CELF5: variants seen among roughly 807,000 people sequenced by gnomAD.
CELF5 encodes CUGBP Elav-like family member 5, also known as CUG-BP and ETR-3 like factor 5.
A neutral mutation model predicts 54.9 loss-of-function variants in CELF5; 6 were observed. The observed-to-expected ratio is 0.11, with a 90% confidence interval of 0.06 to 0.22. CELF5 has a LOEUF of 0.22. Ranked by LOEUF, CELF5 falls within the 10% of genes least tolerant of loss-of-function variation. The pLI, the probability that CELF5 is intolerant of heterozygous loss-of-function variation, is 1.00. For synonymous variants in CELF5, 271 were observed against 290.9 expected, an observed-to-expected ratio of 0.93 and a Z score of 0.70; for missense variants, 401 against 678.6, an observed-to-expected ratio of 0.59 and a Z score of 4.54.
chr19:3,273,847 T>C (rs1233787543), intron 2 of CELF5, 25 bp from the exon 3 acceptor site: 1 of 1,547,052 alleles, frequency 6.5e-7, no homozygotes, highest in Non-Finnish European at 8.9e-7. Flanking sequence ...TAAGCTTGAC[T>C]TTTCCCTTCC....
chr19:3,292,746 G>A (rs1436636252), intron 11 of CELF5, among the ~76,000 whole-genome samples: 1 of 152,106 alleles, frequency 6.6e-6, no homozygotes, highest in Non-Finnish European at 1.5e-5. Flanking sequence ...AACAGAGACA[G>A]TTAGCTGGGC....
chr19:3,230,078 T>TC (rs72158961), intron 1 of CELF5, among the ~76,000 whole-genome samples: 11 of 15,854 alleles, frequency 6.9e-4, no homozygotes, highest in East Asian at 2.6e-3. Flanking sequence ...AGGACCACAC[T>TC]CATTCATTCA....
At chr19:3,271,283 AG>A (rs2079960032) in intron 2 of CELF5, among the ~76,000 whole-genome samples, 1 of 143,858 alleles carries the variant, frequency 7.0e-6, no homozygotes, top group Non-Finnish European at 1.5e-5. Flanking sequence ...CTTCCAGCCC[AG>A]AAGCTGGTCC....
At chr19:3,273,565 T>C (rs900174498) in intron 2 of CELF5, among the ~76,000 whole-genome samples, 3 of 152,136 alleles carry the variant, frequency 2.0e-5, no homozygotes, top group Admixed American at 2.0e-4. Flanking sequence ...TTCTTGATGG[T>C]AGGAACTGCA....
chr19:3,277,366 G>C lies in CELF5; in HGVS notation c.524-665G>C, dbSNP rs1210393696. Among the ~76,000 whole-genome samples, 3 of 152,062 alleles carry C rather than the reference G, an allele frequency of 2.0e-5. No homozygotes were observed. In the East Asian group the frequency reaches 5.8e-4, roughly 29 times the overall value. On this transcript the variant is annotated intron_variant, in intron 4 of 12. Coordinates refer to ENST00000292672, the MANE Select transcript of CELF5 (RefSeq NM_021938.4). ...CAGGCGCCTGTAATCCCAACTACTCGGGAGGTTGAGGAAGAGCATTGCTTG... is the reference window on the plus strand; with the variant it reads ...CAGGCGCCTGTAATCCCAACTACTCCGGAGGTTGAGGAAGAGCATTGCTTG...
rs1301627047 is a variant in CELF5, at chr19:3,253,470, T to C, written c.342+2403T>C. ...TCTCACCACGTGGGCTTCTCCACAG[T>C]GCTGCTTGAGCTTCCTTACAACATG... On this transcript the variant is annotated intron_variant, in intron 2 of 12. Transcript: ENST00000292672. Among the ~76,000 whole-genome samples, 4 of 152,178 alleles carry C rather than the reference T, an allele frequency of 2.6e-5. No homozygotes were observed. In the East Asian group the frequency reaches 5.8e-4, roughly 22 times the overall value.
In CELF5 at chr19:3,277,257, CGA is replaced by C. The variant is rs558655859; in HGVS notation, c.524-771_524-770del. Among the ~76,000 whole-genome samples the C allele has an allele frequency of 3.2e-3, 489 of 151,824 alleles. 2 individuals carry two copies. Among genetic ancestry groups the C allele is most frequent in the Non-Finnish European group, 5.3e-3 (363 of 67,926 alleles). ...TTGGGAGGCTGAGGCAGGTGGATCACGAGATCAGGAGTTCAAGACCAGCCTGG... is the reference window on the plus strand; with the variant it reads ...TTGGGAGGCTGAGGCAGGTGGATCACGATCAGGAGTTCAAGACCAGCCTGG... On this transcript the variant is annotated intron_variant, in intron 4 of 12. Transcript: ENST00000292672.
chr19:3,246,779 C>T (rs1407647160), intron 1 of CELF5, among the ~76,000 whole-genome samples: 1 of 152,208 alleles, frequency 6.6e-6, no homozygotes, highest in African/African-American at 2.4e-5. Flanking sequence ...AAATAGCAAA[C>T]ATCCCAATGC....
intron 4 of CELF5, 47 bp downstream of exon 4, chr19:3,276,031 C>T (rs751917398): frequency 1.1e-5 from 8 of 760,752 alleles, no homozygotes; most frequent in Non-Finnish European, 1.4e-5. Flanking sequence ...GCCGGGCTAG[C>T]TCTGGGGGCG....
chr19:3,257,028 C>T (rs1379399134), intron 2 of CELF5, among the ~76,000 whole-genome samples: 1 of 152,120 alleles, frequency 6.6e-6, no homozygotes, highest in African/African-American at 2.4e-5. Flanking sequence ...AGGCCCGTCC[C>T]GAACTCCTGG....
In CELF5 at chr19:3,228,074, G is replaced by A. The variant is rs312061; in HGVS notation, c.259+3076G>A. ...GATGCGTCGAGGTGGTCTTCCGAAA[G>A]AGGGCAGGCCCTGGGGCGCTGGGTT... On this transcript the variant is annotated intron_variant, in intron 1 of 12. Coordinates refer to ENST00000292672, the MANE Select transcript of CELF5 (RefSeq NM_021938.4). The surrounding 1 kb of genome is among the most constrained non-coding windows in gnomAD (Gnocchi z 6.0). Among the ~76,000 whole-genome samples, 2,095 of 152,160 alleles carry A rather than the reference G, an allele frequency of 0.014. 36 individuals are homozygous for A. Among genetic ancestry groups the A allele is most frequent in the African/African-American group, 0.044 (1,836 of 41,480 alleles).
rs986276514 is a variant in CELF5 at position 3,281,769 on chromosome 19, C to G, written c.751-357C>G. Reference sequence around the variant, plus strand: ...ACTAAACCCTCATCCTAGATGGAGCCTTGATCTCAGTCTGAGCCTCACTTC... The same window carrying G: ...ACTAAACCCTCATCCTAGATGGAGCGTTGATCTCAGTCTGAGCCTCACTTC... On this transcript the variant is annotated intron_variant, in intron 6 of 12. Transcript: ENST00000292672. This position sits in a 1 kb window ranked among gnomAD's most constrained non-coding sequence, Gnocchi z 6.5. Among the ~76,000 whole-genome samples, 2 of 152,070 alleles carry G rather than the reference C, an allele frequency of 1.3e-5. No homozygotes were observed. The highest frequency in any genetic ancestry group is 4.8e-5 in the African/African-American group (2 of 41,404).
chr19:3,274,719 G>A (rs541241768), intron 3 of CELF5, among the ~76,000 whole-genome samples: 1 of 152,230 alleles, frequency 6.6e-6, no homozygotes, highest in Admixed American at 6.5e-5. Context: ...CTGAAGGAGG[G>A]CAGCCAGATT....
intron 1 of CELF5, 139 bp downstream of exon 1, chr19:3,225,137 C>T (rs1186836491): frequency 3.9e-6 from 2 of 506,644 alleles, no homozygotes; most frequent in Non-Finnish European, 6.6e-6. Context: ...TCGGTTCTTA[C>T]CCCCTCCCTC....
At chr19:3,291,782 G>A (rs2145320274) in intron 11 of CELF5, among the ~76,000 whole-genome samples, 1 of 151,530 alleles carries the variant, frequency 6.6e-6, no homozygotes, top group Non-Finnish European at 1.5e-5. Flanking sequence ...ATGGAGAGGG[G>A]ACAGGGGAGG....
chr19:3,230,446 A>C (rs966991677), intron 1 of CELF5, among the ~76,000 whole-genome samples: 1 of 152,198 alleles, frequency 6.6e-6, no homozygotes, highest in Non-Finnish European at 1.5e-5. Flanking sequence ...CTTCCTGGAT[A>C]TAGGGAGAGG....
intron 1 of CELF5, among the ~76,000 whole-genome samples, chr19:3,248,455 A>G (rs1413261967): frequency 6.7e-6 from 1 of 149,994 alleles, no homozygotes; most frequent in Non-Finnish European, 1.5e-5. Flanking sequence ...TGGTCCTCCT[A>G]TGAAACCTCT....
intron 1 of CELF5, chr19:3,225,644 G>A: frequency 2.1e-6 from 2 of 969,920 alleles, no homozygotes; most frequent in South Asian, 9.5e-5. Context: ...GACGGGTTGG[G>A]GGCGCCCGGC....
intron 2 of CELF5, among the ~76,000 whole-genome samples, chr19:3,252,696 G>A (rs1217385791): frequency 6.6e-6 from 1 of 152,112 alleles, no homozygotes; most frequent in Admixed American, 6.6e-5. Flanking sequence ...GCCTGGGGGT[G>A]GCCTCTGCTT....
Sources: allele counts gnomAD v4.1 joint callset (sites outside exome capture counted in the v4.1 genomes callset), GRCh38; gene constraint gnomAD v4.1.1; non-coding constraint Gnocchi (gnomAD v3.1); transcripts MANE v1.5; gene names NCBI Gene and HGNC (gene_info 2026-07-23, HGNC 2026-07-21).